HOGA1: variants seen among roughly 807,000 people sequenced by gnomAD.
The protein encoded by HOGA1 is 4-hydroxy-2-oxoglutarate aldolase 1, also known as 4-hydroxy-2-oxoglutarate aldolase, mitochondrial.
In HOGA1, 30 loss-of-function variants were observed where a neutral mutation model predicts 34.3. The ratio of observed to expected loss-of-function variants is 0.87; its 90% CI spans 0.65 to 1.19. The LOEUF is 1.19. Ranked by LOEUF, HOGA1 falls within the 50% of genes most tolerant of loss-of-function variation. The probability of loss-of-function intolerance (pLI) is 0.00; values close to 1 mark genes in which losing one functional copy is unlikely to be tolerated. For synonymous variants in HOGA1, 161 were observed against 174.0 expected (o/e 0.93, Z 0.59); for missense variants, 417 against 436.5 (o/e 0.96, Z 0.40).
rs895647140 is a variant in HOGA1 at position 97,584,478 on chromosome 10, T to C, written c.-226T>C. 1.9e-6 allele frequency: 1 copy of C among 533,664 alleles called. No individual in the cohort carries two copies. Among genetic ancestry groups the C allele is most frequent in the African/African-American group, 1.9e-5 (1 of 52,952 alleles). The allele number at this position is 533,664 out of a possible 1,614,324, so 33.1% of individuals were successfully genotyped here. A position where few individuals can be genotyped will look rare whatever the true frequency, so the allele number is the denominator to read the frequency against. On this transcript the variant is annotated 5_prime_UTR_variant, in exon 1 of 7. Transcript: ENST00000370646. ...ATCTGGCCAGAGGGACACTGGGTTG[T>C]GGCATCTCTCTAGCTGCTACCCAGA...
intron 1 of HOGA1, among the ~76,000 whole-genome samples, chr10:97,586,103 C>T (rs934907427): frequency 5.3e-5 from 8 of 149,650 alleles, no homozygotes; most frequent in Non-Finnish European, 1.0e-4. Flanking sequence ...TACCATTGCA[C>T]TCTAGCCCGG....
intron 1 of HOGA1, chr10:97,590,250 C>T: frequency 6.2e-7 from 1 of 1,613,900 alleles, no homozygotes; most frequent in Non-Finnish European, 8.5e-7. Flanking sequence ...AAAGCCCCAT[C>T]CACTGATGAG....
At chr10:97,594,450 G>T (rs976196877) in intron 1 of HOGA1, among the ~76,000 whole-genome samples, 3 of 152,024 alleles carry the variant, frequency 2.0e-5, no homozygotes, top group African/African-American at 7.2e-5. Context: ...TGCCTCCTGG[G>T]TTCAAGCAAT....
At chr10:97,602,595 A>C (rs2041127960) in intron 6 of HOGA1, 1 of 984,792 alleles carries the variant, frequency 1.0e-6, no homozygotes, top group Admixed American at 6.2e-5. Flanking sequence ...TTTAATGTAC[A>C]TTTTATCCTT....
intron 1 of HOGA1, among the ~76,000 whole-genome samples, chr10:97,593,477 A>T (rs2041044753): frequency 6.6e-6 from 1 of 150,492 alleles, no homozygotes; most frequent in Non-Finnish European, 1.5e-5. Flanking sequence ...ACTCTGTCTC[A>T]AAAAAAACAT....
At chr10:97,599,505 TCCATAAATATGA>T in intron 3 of HOGA1, 163 bp from the exon 4 acceptor site, 3 of 855,644 alleles carry the variant, frequency 3.5e-6, no homozygotes, top group Non-Finnish European at 5.8e-6. Flanking sequence ...TGGAAAGCAC[TCCATAAATATGA>T]CCCACTGTGA....
rs1014986552 is a variant in HOGA1 at position 97,600,766 on chromosome 10, G to C, written c.700+603G>C. 16 of 164,464 alleles carry C rather than the reference G, an allele frequency of 9.7e-5. 1 individual carries two copies. Among genetic ancestry groups the C allele is most frequent in the Admixed American group, 6.2e-4 (11 of 17,684 alleles). The allele number at this position is 164,464 out of a possible 1,614,324, so 10.2% of individuals were successfully genotyped here. A position where few individuals can be genotyped will look rare whatever the true frequency, so the allele number is the denominator to read the frequency against. ...CCTTCAGCTGAAGCCCCAGTGAGTA[G>C]AGATTTGAGGGACTTTTCCAGCACT... On this transcript the variant is annotated intron_variant, in intron 5 of 6. Coordinates refer to ENST00000370646, the MANE Select transcript of HOGA1 (RefSeq NM_138413.4).
At chr10:97,585,354 T>G (rs992432306) in intron 1 of HOGA1, among the ~76,000 whole-genome samples, 1 of 152,178 alleles carries the variant, frequency 6.6e-6, no homozygotes, top group African/African-American at 2.4e-5. Flanking sequence ...TTGCCAGAAT[T>G]AGTTCTCCTG....
chr10:97,589,262 A>T (rs1427169223), intron 1 of HOGA1, among the ~76,000 whole-genome samples: 1 of 151,846 alleles, frequency 6.6e-6, no homozygotes, highest in Non-Finnish European at 1.5e-5. Flanking sequence ...GCTGCAAATG[A>T]GGATGGAATA....
Position 97,603,354 on chromosome 10 carries a change from C to A in HOGA1, c.834+1364C>A, listed in dbSNP as rs887341735. 3.9e-5 allele frequency among the ~76,000 whole-genome samples: 6 copies of A among 151,958 alleles called. No homozygotes were observed. On this transcript the variant is annotated intron_variant, in intron 6 of 6. Transcript: ENST00000370646. The surrounding 1 kb of genome is among the most constrained non-coding windows in gnomAD (Gnocchi z 4.5). ...ACAGTGGTGTGATGACAGCTCACTG[C>A]AACCTCAATGTCCTGGGCTTAAGCA...
chr10:97,595,205 G>A (rs2041059450), intron 1 of HOGA1, among the ~76,000 whole-genome samples: 1 of 152,134 alleles, frequency 6.6e-6, no homozygotes, highest in Non-Finnish European at 1.5e-5. Context: ...AGGGGGCCTT[G>A]TACACCCACT....
chr10:97,591,980 A>G lies in HOGA1; in HGVS notation c.212-6795A>G, dbSNP rs547655198. Among the ~76,000 whole-genome samples, 172 of 151,606 alleles carry G rather than the reference A, an allele frequency of 1.1e-3. 2 individuals are homozygous for G. The highest frequency in any genetic ancestry group is 3.9e-3 in the African/African-American group (163 of 41,300). On this transcript the variant is annotated intron_variant, in intron 1 of 6. Coordinates refer to ENST00000370646, the MANE Select transcript of HOGA1 (RefSeq NM_138413.4). ...CAGCCTCCCGAGTAGCTAAGGCCAA[A>G]GGCACACACCACCATGCCTGGCAAA...
At chr10:97,591,023 T>C (rs2041018085) in intron 1 of HOGA1, 1 of 169,048 alleles carries the variant, frequency 5.9e-6, no homozygotes, top group African/African-American at 2.4e-5. Context: ...TGGAGTGGAG[T>C]GGAGAAAAGG....
intron 1 of HOGA1, among the ~76,000 whole-genome samples, chr10:97,595,647 G>T (rs2041063718): frequency 6.6e-6 from 1 of 152,112 alleles, no homozygotes; most frequent in Admixed American, 6.5e-5. Flanking sequence ...GTGAGCCGAG[G>T]TCGCACCACT....
chr10:97,601,561 G>A lies in HOGA1; in HGVS notation c.701-296G>A, dbSNP rs538656275. On this transcript the variant is annotated intron_variant, in intron 5 of 6. Transcript: ENST00000370646. ...CAACTGTCAGATGGGATTTTATTCC[G>A]GGAGGGGTTCAGGGAAGGAACCGTC... is the stretch of plus-strand genomic sequence containing the variant. 3.5e-4 allele frequency among the ~76,000 whole-genome samples: 54 copies of A among 152,272 alleles called. 4 individuals carry two copies. The South Asian group carries it at 0.011, about 31-fold the overall frequency.
intron 6 of HOGA1, among the ~76,000 whole-genome samples, chr10:97,610,024 A>C (rs116400070): frequency 6.6e-6 from 1 of 152,204 alleles, no homozygotes; most frequent in Admixed American, 6.5e-5. Context: ...GCTTCTCTCC[A>C]AATAAAACTT....
chr10:97,592,473 T>A (rs188713920), intron 1 of HOGA1, among the ~76,000 whole-genome samples: 171 of 151,884 alleles, frequency 1.1e-3, no homozygotes, highest in Middle Eastern at 0.01. Flanking sequence ...ATCTCCTGAC[T>A]TCGTGATCCG....
chr10:97,611,257 T>C (rs1007102186), intron 6 of HOGA1, among the ~76,000 whole-genome samples: 8 of 152,100 alleles, frequency 5.3e-5, no homozygotes, highest in African/African-American at 9.7e-5. Flanking sequence ...TCTGTTGGAG[T>C]GGATTTTTCT....
At chr10:97,607,097 C>G (rs1367525078) in intron 6 of HOGA1, among the ~76,000 whole-genome samples, 4 of 130,682 alleles carry the variant, frequency 3.1e-5, no homozygotes, top group Non-Finnish European at 6.5e-5. Context: ...TGGCCAGACC[C>G]CATCTCTTAA....
Sources: allele counts gnomAD v4.1 joint callset (sites outside exome capture counted in the v4.1 genomes callset), GRCh38; gene constraint gnomAD v4.1.1; non-coding constraint Gnocchi (gnomAD v3.1); transcripts MANE v1.5; gene names NCBI Gene and HGNC (gene_info 2026-07-23, HGNC 2026-07-21).